The following EMSY variants were observed in gnomAD, a reference collection of about 807,000 sequenced individuals.
EMSY encodes the protein BRCA2-interacting transcriptional repressor EMSY.
In EMSY, 26 loss-of-function variants were observed where a neutral mutation model predicts 134.6. The observed-to-expected ratio is 0.19, with a 90% CI of 0.14 to 0.27. The LOEUF (loss-of-function observed/expected upper bound fraction) is 0.27. EMSY is among the 10% of genes least tolerant of loss of function. EMSY has a pLI of 1.00. For synonymous variants in EMSY, 579 were observed against 577.8 expected (o/e 1.00, Z -0.03); for missense variants, 1,305 against 1,611.4 (o/e 0.81, Z 3.26).
At chr11:76,502,551 A>G (rs1036068797) in intron 9 of EMSY, among the ~76,000 whole-genome samples, 15 of 151,488 alleles carry the variant, frequency 9.9e-5, no homozygotes, top group African/African-American at 3.6e-4. Flanking sequence ...AAAAAACAAA[A>G]AAAACCACTA....
At position 76,518,684 on chromosome 11, in the gene EMSY, C is replaced by CATATATATATATATAT. The variant is rs796392038; in HGVS notation, c.1684+2377_1684+2392dup. ...TTTGTATAAAGTGTGTGTGTGCGCGCATATATATATATATATATATTTTTT... is the reference window on the plus strand; with the variant it reads ...TTTGTATAAAGTGTGTGTGTGCGCGCATATATATATATATATATATATATATATATATATATTTTTT... On this transcript the variant is annotated intron_variant, in intron 11 of 20. Coordinates refer to ENST00000334736, the Ensembl canonical transcript of EMSY. Among the ~76,000 whole-genome samples, 486 of 121,496 alleles carry CATATATATATATATAT rather than the reference C, an allele frequency of 4.0e-3. 2 individuals carry two copies. Among genetic ancestry groups the CATATATATATATATAT allele is most frequent in the Non-Finnish European group, 5.7e-3 (331 of 57,998 alleles). The allele number at this position is 121,496 out of a possible 152,430, so 79.7% of individuals were successfully genotyped here.
chr11:76,548,672 A>G (rs1408446221), intron 20 of EMSY, among the ~76,000 whole-genome samples: 2 of 152,238 alleles, frequency 1.3e-5, no homozygotes, highest in East Asian at 1.9e-4. Context: ...GACCTTGTCT[A>G]ATAGTCTTAC....
At chr11:76,449,740 T>C (rs1398978391) in intron 2 of EMSY, among the ~76,000 whole-genome samples, 3 of 152,246 alleles carry the variant, frequency 2.0e-5, no homozygotes, top group Non-Finnish European at 4.4e-5. Flanking sequence ...TTTCCATTTT[T>C]ACCGTTCTCT....
At chr11:76,482,014 G>A (rs886630816) in intron 8 of EMSY, among the ~76,000 whole-genome samples, 1 of 152,156 alleles carries the variant, frequency 6.6e-6, no homozygotes, top group Admixed American at 6.5e-5. Context: ...CTGGCATCTG[G>A]CAGGTGCCCC....
At chr11:76,485,608 C>T (rs980386968) in intron 8 of EMSY, among the ~76,000 whole-genome samples, 1 of 152,188 alleles carries the variant, frequency 6.6e-6, no homozygotes, top group African/African-American at 2.4e-5. Context: ...TGGGCAAAAG[C>T]TGGAAGCATT....
At chr11:76,460,891 G>C (rs61894509) in intron 6 of EMSY, 20,659 of 151,974 alleles carry the variant, frequency 0.14, 1,771 homozygotes, top group East Asian at 0.28. Flanking sequence ...TCGGGAGGCC[G>C]AGACAGGAAA....
chr11:76,467,318 C>G (rs1180351744), intron 7 of EMSY, among the ~76,000 whole-genome samples: 1 of 152,182 alleles, frequency 6.6e-6, no homozygotes, highest in African/African-American at 2.4e-5. Context: ...ATTCTTCTCT[C>G]TTCCCTGCTT....
At chr11:76,549,880 C>G in intron 20 of EMSY, 72 bp from the exon 22 acceptor site, 858 of 746,900 alleles carry the variant, frequency 1.1e-3, no homozygotes, top group Non-Finnish European at 1.3e-3. Context: ...TTTTTTTTTT[C>G]TTGATATTGT....
rs147521754 is a variant in EMSY, at chr11:76,445,281, A to T, written c.-40+153A>T. 1.9e-3 allele frequency among the ~76,000 whole-genome samples: 285 copies of T among 152,124 alleles called. 1 individual carries two copies. The highest frequency in any genetic ancestry group is 6.8e-3 in the Middle Eastern group (2 of 294). On this transcript the variant is annotated intron_variant, in intron 1 of 20. Transcript: ENST00000334736. ...TCGTGGGGCTCCCCGGGGTGGACTCAGGGGGACTCTGGCTGGCCTGGTGCT... is the reference window on the plus strand; with the variant it reads ...TCGTGGGGCTCCCCGGGGTGGACTCTGGGGGACTCTGGCTGGCCTGGTGCT...
chr11:76,545,824 T>G, exon 20 of EMSY: 1 of 1,612,244 alleles, frequency 6.2e-7, no homozygotes, highest in Non-Finnish European at 8.5e-7. Context: ...AACCCAAGGA[T>G]CCTCTGTTAC....
chr11:76,467,955 G>A (rs1004738563), intron 7 of EMSY, among the ~76,000 whole-genome samples: 12 of 151,080 alleles, frequency 7.9e-5, no homozygotes, highest in Non-Finnish European at 1.5e-4. Flanking sequence ...CTCCAGCCTG[G>A]GCAGCAGGAG....
chr11:76,544,524 C>A (rs752006274), exon 19 of EMSY: 1 of 1,614,122 alleles, frequency 6.2e-7, no homozygotes, highest in Non-Finnish European at 8.5e-7. Flanking sequence ...CACAAACTCC[C>A]GCAAATGCCC....
chr11:76,446,345 A>ATG (rs1408360007), intron 1 of EMSY, among the ~76,000 whole-genome samples: 392 of 14,192 alleles, frequency 0.028, 4 homozygotes, highest in Middle Eastern at 0.077. Flanking sequence ...GTATATATAT[A>ATG]TGTGTATATA....
chr11:76,502,871 C>G (rs369600538), intron 9 of EMSY, among the ~76,000 whole-genome samples: 2 of 152,162 alleles, frequency 1.3e-5, no homozygotes, highest in Non-Finnish European at 1.5e-5. Flanking sequence ...TTAAATTAAT[C>G]TATAGATTCA....
intron 10 of EMSY, 33 bp downstream of exon 11, chr11:76,513,568 A>G: frequency 6.2e-7 from 1 of 1,604,038 alleles, no homozygotes; most frequent in Non-Finnish European, 8.5e-7. Context: ...TCATTTATTC[A>G]TCATACATTC....
chr11:76,479,426 G>A (rs1948885503), intron 8 of EMSY, among the ~76,000 whole-genome samples: 1 of 152,204 alleles, frequency 6.6e-6, no homozygotes, highest in Admixed American at 6.5e-5. Flanking sequence ...TCCACAGAGG[G>A]TAATAAAATG....
chr11:76,544,515 A>G lies in EMSY; in HGVS notation c.2966A>G (p.His989Arg), dbSNP rs764526189. 58 of 1,614,036 alleles carry G rather than the reference A, an allele frequency of 3.6e-5. 1 individual carries two copies. The Middle Eastern group carries it at 6.6e-4, about 18-fold the overall frequency. The change falls in exon 19 of 21, where the codon CAC becomes CGC. Residue 989 changes from histidine (H) to arginine (R), a missense_variant. Physicochemically the swap from His to Arg is conservative, Grantham distance 29. This residue lies in a region of EMSY where 664 missense variants were observed against 763.9 expected (regional missense o/e 0.87). Coordinates refer to ENST00000334736, the Ensembl canonical transcript of EMSY. ...CACCTGCAGGCAGACCAGCTCCAGC[A>G]CAAACTCCCGCAAATGCCCCAGCTT...
At chr11:76,505,772 G>A (rs1173791439) in intron 9 of EMSY, among the ~76,000 whole-genome samples, 1 of 151,904 alleles carries the variant, frequency 6.6e-6, no homozygotes, top group Non-Finnish European at 1.5e-5. Context: ...CAGGAGAATC[G>A]CGTGAACCCG....
At chr11:76,530,804 A>G (rs1264654935) in intron 14 of EMSY, among the ~76,000 whole-genome samples, 1 of 152,178 alleles carries the variant, frequency 6.6e-6, no homozygotes, top group Non-Finnish European at 1.5e-5. Flanking sequence ...GGTTGGTCTC[A>G]GGTCATGCTG....
Sources: gnomAD v4.1 joint callset for allele counts (sites outside exome capture counted in the v4.1 genomes callset) on GRCh38, gnomAD v4.1.1 for gene constraint, gnomAD v4.1.1 regional missense constraint, MANE v1.5 for transcripts, NCBI Gene and HGNC (gene_info 2026-07-23, HGNC 2026-07-21) for gene names.